DPF1: variants seen among roughly 807,000 people sequenced by gnomAD.
DPF1 encodes the protein double PHD fingers 1.
Under a neutral mutation model 58.7 loss-of-function variants are expected in DPF1, and 14 were observed. The observed-to-expected ratio is 0.24, with a 90% confidence interval of 0.16 to 0.37. The LOEUF (loss-of-function observed/expected upper bound fraction) is 0.37. Ranked by LOEUF, DPF1 falls within the 10% of genes least tolerant of loss-of-function variation. DPF1 has a pLI of 1.00. For missense variants in DPF1, 345 were observed against 529.9 expected (o/e 0.65, Z 3.43); for synonymous variants, 216 against 216.0 (o/e 1.00, Z 0.00).
intron 9 of DPF1, among the ~76,000 whole-genome samples, chr19:38,214,688 A>C (rs1375544895): frequency 6.6e-6 from 1 of 152,064 alleles, no homozygotes; most frequent in East Asian, 1.9e-4. Context: ...TTTTTGAAAC[A>C]AGGTCTCACT....
intron 10 of DPF1, among the ~76,000 whole-genome samples, chr19:38,213,220 C>A (rs1297216361): frequency 6.6e-6 from 1 of 151,602 alleles, no homozygotes; most frequent in Non-Finnish European, 1.5e-5. Context: ...GGTGGTCCAC[C>A]CACCTCAGCC....
chr19:38,218,487 G>A, intron 5 of DPF1, 86 bp downstream of exon 5: 1 of 1,408,600 alleles, frequency 7.1e-7, no homozygotes. Context: ...AGGTCAGACT[G>A]TGGCAGGGGC....
chr19:38,227,036 TTC>T (rs1967862625), upstream of DPF1, among the ~76,000 whole-genome samples: 1 of 136,544 alleles, frequency 7.3e-6, no homozygotes, highest in East Asian at 2.1e-4. Context: ...CTTCCTTCCT[TTC>T]TTTCTTTCTT....
chr19:38,222,100 AAAAT>A lies in DPF1; in HGVS notation c.298+253_298+256del, dbSNP rs142392815. 0.14 allele frequency among the ~76,000 whole-genome samples: 20,390 copies of A among 148,114 alleles called. 1,507 individuals carry two copies. The highest frequency in any genetic ancestry group is 0.22 in the Middle Eastern group (63 of 292). ...CCAGCCTGGGTGAAACTCTGTCTCAAAAATAAATAAATAAATAAATAAATAAATA... is the reference window on the plus strand; with the variant it reads ...CCAGCCTGGGTGAAACTCTGTCTCAAAAATAAATAAATAAATAAATAAATA... On this transcript the variant is annotated intron_variant, in intron 3 of 11. Transcript: ENST00000355526. The surrounding 1 kb of genome is among the most constrained non-coding windows in gnomAD (Gnocchi z 4.9).
Position 38,212,014 on chromosome 19 carries a change from G to T in DPF1, c.*49C>A. On this transcript the variant is annotated 3_prime_UTR_variant, in exon 12 of 12. Transcript: ENST00000355526. ...GTGGGGGAGAATTGAGGAGCTCGGA[G>T]AGGCAGGTAGGCGAGCACCACCCCA... 6.3e-7 allele frequency: 1 copy of T among 1,584,096 alleles called. No homozygotes were observed. Among genetic ancestry groups the T allele is most frequent in the Non-Finnish European group, 8.6e-7 (1 of 1,163,822 alleles).
chr19:38,228,321 G>A (rs2891599), upstream of DPF1, among the ~76,000 whole-genome samples: 2,174 of 151,446 alleles, frequency 0.014, 50 homozygotes, highest in African/African-American at 0.05. Flanking sequence ...AGCAACTGGC[G>A]GCCTCTGGTC....
At chr19:38,225,885 T>C (rs1429174025), upstream of DPF1, among the ~76,000 whole-genome samples, 12 of 103,576 alleles carry the variant, frequency 1.2e-4, no homozygotes, top group Admixed American at 1.2e-3. Context: ...CAAGACCCTG[T>C]CTCCAAAAAA....
intron 3 of DPF1, among the ~76,000 whole-genome samples, chr19:38,220,833 G>A (rs558276709): frequency 6.6e-5 from 10 of 152,162 alleles, no homozygotes; most frequent in Admixed American, 5.9e-4. Flanking sequence ...GCACTGCCAC[G>A]CTCCTGGGTA....
Position 38,224,081 on chromosome 19 carries a change from G to T in DPF1, c.29+33C>A. ...CACAGGCCCGCGTAGACCCGCCCGC[G>T]CTTCCTCTCCGCCTCCCGCCGGCCC... On this transcript the variant is annotated intron_variant, in intron 1 of 11. Transcript: ENST00000355526. This position sits in a 1 kb window ranked among gnomAD's most constrained non-coding sequence, Gnocchi z 4.5. The T allele has an allele frequency of 6.7e-7, 1 of 1,493,186 alleles. No homozygotes were observed. The allele number at this position is 1,493,186 out of a possible 1,614,324, so 92.5% of individuals were successfully genotyped here. A position where few individuals can be genotyped will look rare whatever the true frequency, so the allele number is the denominator to read the frequency against.
intron 9 of DPF1, among the ~76,000 whole-genome samples, chr19:38,215,270 C>G (rs1966932483): frequency 6.6e-6 from 1 of 151,574 alleles, no homozygotes; most frequent in Non-Finnish European, 1.5e-5. Context: ...GCAGGCAGAT[C>G]ACCTGAGGTC....
At position 38,222,365 on chromosome 19, in the gene DPF1, T is replaced by C. The variant is rs1273403561; in HGVS notation, c.290A>G (p.Tyr97Cys). The change falls in exon 3 of 12, where the codon TAC (tyrosine) becomes TGC (cysteine). Residue 97 changes from tyrosine (Y) to cysteine (C), a missense_variant. By Grantham distance (194) the Tyr-to-Cys change is radical. Coordinates refer to ENST00000355526, the MANE Select transcript of DPF1 (RefSeq NM_001135155.3). The surrounding 1 kb of genome is among the most constrained non-coding windows in gnomAD (Gnocchi z 4.9). The part of the protein sequence containing the change: ...LEDPRLRPCE[Y>C]KIDCEAPLKK... The stretch of plus-strand genomic sequence containing the variant: ...CCAGCGGCTGCACCCACCGATCTTG[T>C]ACTCGCAGGGCCTGAGTCTGGGGTC... The C allele has an allele frequency of 6.9e-6, 11 of 1,590,138 alleles. No individual in the cohort carries two copies. Among genetic ancestry groups the C allele is most frequent in the Non-Finnish European group, 9.4e-6 (11 of 1,173,694 alleles).
At position 38,219,214 on chromosome 19, in the gene DPF1, G is replaced by A. The variant is rs187706372; in HGVS notation, c.299-156C>T. The A allele has an allele frequency of 6.6e-5, 73 of 1,098,526 alleles. 1 individual carries two copies. In the East Asian group the frequency reaches 1.7e-3, roughly 25 times the overall value. The allele number at this position is 1,098,526 out of a possible 1,614,324, so 68.0% of individuals were successfully genotyped here. On this transcript the variant is annotated intron_variant, in intron 3 of 11. Transcript: ENST00000355526. ...CCTAGGAGGGAGGCCCAGACTCTGG[G>A]GAGACCCAGTCACGCCCTCAGATGC...
At chr19:38,217,899 G>A in intron 5 of DPF1, 23 bp from the exon 6 acceptor site, 1 of 1,613,648 alleles carries the variant, frequency 6.2e-7, no homozygotes, top group Non-Finnish European at 8.5e-7. Context: ...TCAGGAGTGA[G>A]GGGCCAAGAA....
intron 5 of DPF1, 112 bp downstream of exon 5, chr19:38,218,461 C>T: frequency 8.8e-7 from 1 of 1,130,402 alleles, no homozygotes; most frequent in Non-Finnish European, 1.3e-6. Flanking sequence ...TCTGGGGATT[C>T]AATGAGGTCA....
intron 5 of DPF1, 119 bp downstream of exon 5, chr19:38,218,453 TG>T: frequency 1.9e-6 from 2 of 1,039,180 alleles, no homozygotes; most frequent in Non-Finnish European, 1.5e-6. Context: ...CAGGCCGCTC[TG>T]GGGATTCAAT....
upstream of DPF1, chr19:38,228,595 G>C (rs1967925640): frequency 6.6e-6 from 1 of 151,762 alleles, no homozygotes; most frequent in South Asian, 2.1e-4. Flanking sequence ...GGGCGGGAGC[G>C]GCCGAGTGCC....
At chr19:38,216,303 A>G (rs760926944) in intron 8 of DPF1, 44 bp from the exon 9 acceptor site, 12 of 1,610,832 alleles carry the variant, frequency 7.4e-6, no homozygotes, top group Middle Eastern at 1.6e-4. Flanking sequence ...AGGCAAGGGC[A>G]CCCCGCAAAG....
At chr19:38,218,072 C>T (rs370969068) in intron 5 of DPF1, among the ~76,000 whole-genome samples, 196 bp from the exon 6 acceptor site, 3 of 152,010 alleles carry the variant, frequency 2.0e-5, no homozygotes, top group Admixed American at 6.6e-5. Context: ...CATGGTGGCG[C>T]GTGCCTGTAG....
At chr19:38,227,013 CCTTCCTTCCTTCCTTCCTTCCTTT>C (rs1243930411), upstream of DPF1, among the ~76,000 whole-genome samples, 2 of 109,128 alleles carry the variant, frequency 1.8e-5, no homozygotes, top group African/African-American at 6.7e-5. Flanking sequence ...TTCCTTCCTT[CCTTCCTTCCTTCCTTCCTTCCTTT>C]CTTTCTTTCT....
Sources: gnomAD v4.1 joint callset for allele counts (sites outside exome capture counted in the v4.1 genomes callset) on GRCh38, gnomAD v4.1.1 for gene constraint, Gnocchi (gnomAD v3.1) non-coding constraint, MANE v1.5 for transcripts, NCBI Gene and HGNC (gene_info 2026-07-23, HGNC 2026-07-21) for gene names.